The following FBXL20 variants were observed in gnomAD, a reference collection of about 807,000 sequenced individuals.
The protein encoded by FBXL20 is F-box and leucine rich repeat protein 20, also known as F-box/LRR-repeat protein 20.
A neutral mutation model predicts 64.0 loss-of-function variants in FBXL20; 11 were observed. That is an observed-to-expected ratio of 0.17 (90% CI 0.11 to 0.28). The LOEUF is 0.28. Ranked by LOEUF, FBXL20 falls within the 10% of genes least tolerant of loss-of-function variation. FBXL20 has a pLI of 1.00. For synonymous variants in FBXL20, 184 were observed against 189.0 expected, an observed-to-expected ratio of 0.97 and a Z score of 0.22; for missense variants, 303 against 526.2, an observed-to-expected ratio of 0.58 and a Z score of 4.15.
intron 2 of FBXL20, 36 bp downstream of exon 2, chr17:39,343,144 C>A: frequency 6.7e-7 from 1 of 1,502,160 alleles, no homozygotes; most frequent in Non-Finnish European, 9.0e-7. Flanking sequence ...ATGACATACA[C>A]ATAAAAAAAC....
intron 1 of FBXL20, among the ~76,000 whole-genome samples, chr17:39,351,448 T>C (rs966180951): frequency 1.3e-5 from 2 of 152,042 alleles, no homozygotes; most frequent in African/African-American, 4.8e-5. Context: ...ATAAAACAAC[T>C]ATTTCATAAA....
intron 1 of FBXL20, among the ~76,000 whole-genome samples, chr17:39,367,342 A>T (rs528133318): frequency 1.4e-5 from 2 of 145,764 alleles, no homozygotes; most frequent in South Asian, 2.1e-4. Context: ...TTGGAGATAG[A>T]GTCTCACTCT....
chr17:39,378,530 T>TG (rs2047992055), intron 1 of FBXL20, among the ~76,000 whole-genome samples: 1 of 151,954 alleles, frequency 6.6e-6, no homozygotes, highest in African/African-American at 2.4e-5. Context: ...CACAAAAAGA[T>TG]GGTCAACATC....
intron 10 of FBXL20, among the ~76,000 whole-genome samples, chr17:39,273,742 C>T (rs1474849438): frequency 1.3e-5 from 2 of 151,724 alleles, no homozygotes; most frequent in South Asian, 2.1e-4. Flanking sequence ...ATCGCTTGAA[C>T]CCAGGAGACG....
intron 1 of FBXL20, among the ~76,000 whole-genome samples, chr17:39,392,442 A>G (rs2048143518): frequency 6.7e-6 from 1 of 150,078 alleles, no homozygotes; most frequent in Non-Finnish European, 1.5e-5. Flanking sequence ...TGTCTCCAAA[A>G]AAAAAAAAAA....
intron 1 of FBXL20, among the ~76,000 whole-genome samples, chr17:39,360,234 G>C (rs537332709): frequency 1.3e-5 from 2 of 152,170 alleles, no homozygotes; most frequent in Non-Finnish European, 2.9e-5. Flanking sequence ...TAAAAGGGGA[G>C]AGGGAATGGG....
chr17:39,265,373 T>TA, intron 13 of FBXL20, 24 bp downstream of exon 13: 8 of 1,587,558 alleles, frequency 5.0e-6, no homozygotes, highest in Non-Finnish European at 6.9e-6. Context: ...AGTAAACACA[T>TA]AAAGTTTTCA....
chr17:39,357,176 G>A (rs1474373815), intron 1 of FBXL20, among the ~76,000 whole-genome samples: 3 of 151,402 alleles, frequency 2.0e-5, no homozygotes, highest in South Asian at 2.1e-4. Context: ...GGGAGGCTGA[G>A]GCAGGAGAAT....
chr17:39,349,324 CAAAAAAAAAAAAAAAAAA>C (rs1170336581), intron 1 of FBXL20, among the ~76,000 whole-genome samples: 3 of 40,528 alleles, frequency 7.4e-5, no homozygotes, highest in African/African-American at 2.0e-4. Flanking sequence ...GATTCCATCT[CAAAAAAAAAAAAAAAAAA>C]AAAAAAAAAA....
intron 2 of FBXL20, among the ~76,000 whole-genome samples, chr17:39,338,535 A>AAAAT (rs141357517): frequency 2.7e-4 from 41 of 151,336 alleles, no homozygotes; most frequent in African/African-American, 1.0e-3. Context: ...GATCAATAAA[A>AAAAT]AATAATAATA....
chr17:39,312,675 G>A (rs1018408370), intron 2 of FBXL20, among the ~76,000 whole-genome samples: 1 of 134,786 alleles, frequency 7.4e-6, no homozygotes, highest in African/African-American at 2.8e-5. Context: ...CTGGGTTCAC[G>A]CCATTCTCCT....
chr17:39,401,244 C>A, intron 1 of FBXL20, 117 bp downstream of exon 1: 8 of 1,574,624 alleles, frequency 5.1e-6, no homozygotes, highest in Non-Finnish European at 6.9e-6. Context: ...CTGGCAGCCC[C>A]GCCAGTGGGT....
At chr17:39,345,793 A>C (rs1368745597) in intron 1 of FBXL20, among the ~76,000 whole-genome samples, 1 of 152,238 alleles carries the variant, frequency 6.6e-6, no homozygotes, top group African/African-American at 2.4e-5. Context: ...CTCCCAACTC[A>C]GTGTCCCAAA....
intron 2 of FBXL20, among the ~76,000 whole-genome samples, chr17:39,320,163 A>C (rs748749854): frequency 6.6e-6 from 1 of 152,164 alleles, no homozygotes; most frequent in Non-Finnish European, 1.5e-5. Context: ...ATATGCAAAT[A>C]ATTTTTTATC....
In FBXL20 at chr17:39,260,370, C is replaced by CT. The variant is rs1446341407; in HGVS notation, c.*1089dup. Reference sequence around the variant, plus strand: ...CACTCTTTCCTAATAATACATCTCTCTCTTTCCTTATGATACAGTTGGTGG... The same window carrying CT: ...CACTCTTTCCTAATAATACATCTCTCTTCTTTCCTTATGATACAGTTGGTGG... On this transcript the variant is annotated 3_prime_UTR_variant, in exon 15 of 15. Coordinates refer to ENST00000264658, the MANE Select transcript of FBXL20 (RefSeq NM_032875.3). 6.6e-6 allele frequency: 1 copy of CT among 152,130 alleles called. No individual in the cohort carries two copies. The highest frequency in any genetic ancestry group is 1.5e-5 in the Non-Finnish European group (1 of 68,034). The allele number at this position is 152,130 out of a possible 1,614,324, so 9.4% of individuals were successfully genotyped here.
chr17:39,395,261 C>T lies in FBXL20; in HGVS notation c.42+6100G>A, dbSNP rs766806786. On this transcript the variant is annotated intron_variant, in intron 1 of 14. Transcript: ENST00000264658. ...CCAACATGGCAAAACCCCATCTCTA[C>T]TAAAAACACAAAATTAGCCAGGCAT... is the stretch of plus-strand genomic sequence containing the variant. 3.3e-5 allele frequency among the ~76,000 whole-genome samples: 5 copies of T among 152,054 alleles called. No homozygotes were observed. The East Asian group carries it at 9.6e-4, about 29-fold the overall frequency.
At chr17:39,340,763 G>C (rs1225863957) in intron 2 of FBXL20, among the ~76,000 whole-genome samples, 2 of 151,568 alleles carry the variant, frequency 1.3e-5, no homozygotes, top group East Asian at 3.9e-4. Context: ...CTACTACCCA[G>C]TTATCCTTCC....
intron 2 of FBXL20, 25 bp downstream of exon 2, chr17:39,343,155 C>G: frequency 6.5e-7 from 1 of 1,549,872 alleles, no homozygotes; most frequent in Non-Finnish European, 8.7e-7. Context: ...ATAAAAAAAC[C>G]CATAAAATTA....
chr17:39,314,091 C>G (rs1239591192), intron 2 of FBXL20, among the ~76,000 whole-genome samples: 1 of 152,118 alleles, frequency 6.6e-6, no homozygotes, highest in East Asian at 1.9e-4. Context: ...CACTCTCTAT[C>G]CCTTCCTCAC....
Sources: allele counts gnomAD v4.1 joint callset (sites outside exome capture counted in the v4.1 genomes callset), GRCh38; gene constraint gnomAD v4.1.1; transcripts MANE v1.5; gene names NCBI Gene and HGNC (gene_info 2026-07-23, HGNC 2026-07-21).